The following NUDT5 variants were observed in gnomAD, a reference collection of about 807,000 sequenced individuals.
The protein encoded by NUDT5 is nudix hydrolase 5, also known as ADP-sugar pyrophosphatase.
In NUDT5, 21 loss-of-function variants were observed where a neutral mutation model predicts 34.1. The observed-to-expected ratio is 0.62, with a 90% CI of 0.44 to 0.89. The LOEUF (loss-of-function observed/expected upper bound fraction) is 0.89, where lower values mean the gene tolerates loss of function less well. Among genes scored for constraint, NUDT5 ranks in the 40% least tolerant of loss-of-function variants. The pLI is 0.00. For missense variants in NUDT5, 249 were observed against 274.8 expected (o/e 0.91, Z 0.66); for synonymous variants, 85 against 97.6 (o/e 0.87, Z 0.76).
chr10:12,167,143 A>G lies in NUDT5; in HGVS notation c.*559T>C, dbSNP rs78323220. ...TTAAAAGCTGGTTCAGCCTCAGTAA[A>G]TAGATGAACTGAAAACTAGTAGAGG... On this transcript the variant is annotated 3_prime_UTR_variant, in exon 10 of 10. Coordinates refer to ENST00000491614, the MANE Select transcript of NUDT5 (RefSeq NM_014142.4). The G allele has an allele frequency of 6.7e-4, 107 of 159,114 alleles. No individual in the cohort carries two copies. Among genetic ancestry groups the G allele is most frequent in the Admixed American group, 2.0e-3 (34 of 16,664 alleles). The allele number at this position is 159,114 out of a possible 1,614,324, so 9.9% of individuals were successfully genotyped here. A position where few individuals can be genotyped will look rare whatever the true frequency, so the allele number is the denominator to read the frequency against.
intron 2 of NUDT5, 35 bp downstream of exon 2, chr10:12,186,194 G>C (rs372904871): frequency 1.1e-5 from 16 of 1,444,262 alleles, no homozygotes; most frequent in Middle Eastern, 1.7e-4. Context: ...AGATTTATGT[G>C]GGGGAGGGAA....
At chr10:12,193,807 G>A (rs1835278462) in intron 1 of NUDT5, among the ~76,000 whole-genome samples, 1 of 151,372 alleles carries the variant, frequency 6.6e-6, no homozygotes, top group South Asian at 2.1e-4. Context: ...AAACTTAGCT[G>A]CTTTTCTACA....
Position 12,184,870 on chromosome 10 carries a change from A to C in NUDT5, c.131+19T>G. 1 of 1,440,562 alleles carries C rather than the reference A, an allele frequency of 6.9e-7. No individual in the cohort carries two copies. The highest frequency in any genetic ancestry group is 2.3e-5 in the East Asian group (1 of 44,006). 89.2% of individuals were successfully genotyped at this position (1,440,562 alleles called of 1,614,324 possible). A position where few individuals can be genotyped will look rare whatever the true frequency, so the allele number is the denominator to read the frequency against. On this transcript the variant is annotated intron_variant, in intron 3 of 9. Transcript: ENST00000491614. ...GAACCCAAATAACGAACATTTTGTA[A>C]GAAAAAAAAAAAGTTTACCTAGTTT... is the stretch of plus-strand genomic sequence containing the variant.
Position 12,173,688 on chromosome 10 carries a change from T to A in NUDT5, c.385+30A>T. On this transcript the variant is annotated intron_variant, in intron 6 of 9. Coordinates refer to ENST00000491614, the MANE Select transcript of NUDT5 (RefSeq NM_014142.4). This position sits in a 1 kb window ranked among gnomAD's most constrained non-coding sequence, Gnocchi z 4.7. The stretch of plus-strand genomic sequence containing the variant: ...ATCCCTTCCCAGACGGAGGAATCCA[T>A]CACTTGGTGAATTTTCAAGCAATAC... 1 of 1,481,462 alleles carries A rather than the reference T, an allele frequency of 6.8e-7. No individual in the cohort carries two copies. The highest frequency in any genetic ancestry group is 9.4e-7 in the Non-Finnish European group (1 of 1,059,364). The allele number at this position is 1,481,462 out of a possible 1,614,324, so 91.8% of individuals were successfully genotyped here.
rs1029985882 is a variant in NUDT5 at position 12,175,654 on chromosome 10, C to A, written c.290-1841G>T. 6.6e-6 allele frequency among the ~76,000 whole-genome samples: 1 copy of A among 150,532 alleles called. No homozygotes were observed. The highest frequency in any genetic ancestry group is 1.5e-5 in the Non-Finnish European group (1 of 67,504). Reference sequence around the variant, plus strand: ...TAGACATAGTCTCAAAAAAAGAGCCCGGGCATGGCGGCTCACACCTGTAAT... The same window carrying A: ...TAGACATAGTCTCAAAAAAAGAGCCAGGGCATGGCGGCTCACACCTGTAAT... On this transcript the variant is annotated intron_variant, in intron 5 of 9. Coordinates refer to ENST00000491614, the MANE Select transcript of NUDT5 (RefSeq NM_014142.4). The surrounding 1 kb of genome is among the most constrained non-coding windows in gnomAD (Gnocchi z 4.8).
At position 12,173,772 on chromosome 10, in the gene NUDT5, G is replaced by C; in HGVS notation, c.331C>G (p.Arg111Gly). The C allele has an allele frequency of 6.2e-7, 1 of 1,613,968 alleles. No individual in the cohort carries two copies. The highest frequency in any genetic ancestry group is 1.1e-5 in the South Asian group (1 of 91,086). The change falls in exon 6 of 10, where the codon CGG becomes GGG. Residue 111 changes from arginine (R) to glycine (G), a missense_variant. Coordinates refer to ENST00000491614, the MANE Select transcript of NUDT5 (RefSeq NM_014142.4). This position sits in a 1 kb window ranked among gnomAD's most constrained non-coding sequence, Gnocchi z 4.7. ...DGETPEAAAL[R>G]ELEEETGYKG... ...TAGCCAGTTTCTTCTTCAAGCTCCC[G>C]GAGAGCAGCTGCTTCTGGGGTTTCA...
chr10:12,177,831 C>T lies in NUDT5; in HGVS notation c.251G>A (p.Arg84Gln), dbSNP rs143315138. 2 of 1,614,080 alleles carry T rather than the reference C, an allele frequency of 1.2e-6. No homozygotes were observed. The highest frequency in any genetic ancestry group is 8.5e-7 in the Non-Finnish European group (1 of 1,179,992). The stretch of plus-strand genomic sequence containing the variant: ...TATGCAGTAGCCCCCCATTGGTGGT[C>T]GGAACTGTTTCACCAGAACGATACA... ...YECIVLVKQFRPPMGGYCIEF... is the reference protein window; with the variant it reads ...YECIVLVKQFQPPMGGYCIEF... The change falls in exon 5 of 10, where the codon CGA becomes CAA. Residue 84 changes from arginine to glutamine, a missense_variant. Coordinates refer to ENST00000491614, the MANE Select transcript of NUDT5 (RefSeq NM_014142.4).
chr10:12,188,847 T>C (rs1835173325), intron 1 of NUDT5, among the ~76,000 whole-genome samples: 1 of 151,830 alleles, frequency 6.6e-6, no homozygotes, highest in Admixed American at 6.6e-5. Flanking sequence ...AAAATTTATG[T>C]CAAGTGACTC....
At chr10:12,179,594 C>T (rs1189042184) in intron 3 of NUDT5, among the ~76,000 whole-genome samples, 3 of 152,180 alleles carry the variant, frequency 2.0e-5, no homozygotes, top group Non-Finnish European at 4.4e-5. Flanking sequence ...AATATGTGAC[C>T]TAAAACACAC....
At chr10:12,192,780 G>A (rs535479726) in intron 1 of NUDT5, among the ~76,000 whole-genome samples, 7 of 152,118 alleles carry the variant, frequency 4.6e-5, no homozygotes, top group Non-Finnish European at 1.0e-4. Context: ...GAACCTAGGA[G>A]GCAGCAGTTG....
chr10:12,192,366 G>GT (rs1295138519), intron 1 of NUDT5, among the ~76,000 whole-genome samples: 2 of 151,582 alleles, frequency 1.3e-5, no homozygotes, highest in Admixed American at 1.3e-4. Flanking sequence ...TTTTTTTGCA[G>GT]TAATAACTTA....
Position 12,165,980 on chromosome 10 carries a change from C to G in NUDT5, c.*1722G>C, listed in dbSNP as rs554383042. On this transcript the variant is annotated 3_prime_UTR_variant, in exon 10 of 10. Transcript: ENST00000491614. ...ATAGGAAACCTTCAGTTTTTAAATG[C>G]AGGGCAAATAAACATTTTTAAACAG... 2.0e-5 allele frequency: 3 copies of G among 152,248 alleles called. No homozygotes were observed. In the East Asian group the frequency reaches 5.8e-4, roughly 29 times the overall value. 9.4% of individuals were successfully genotyped at this position (152,248 alleles called of 1,614,324 possible).
In NUDT5 at chr10:12,170,113, A is replaced by T; in HGVS notation, c.550+604T>A. On this transcript the variant is annotated intron_variant, in intron 9 of 9. Transcript: ENST00000491614. The surrounding 1 kb of genome is among the most constrained non-coding windows in gnomAD (Gnocchi z 4.9). ...ATACAGTATCTCCTCTCGTGGTTTT[A>T]TCAAAGGACTTTTCTCCCCATAAGC... The T allele has an allele frequency of 6.2e-7, 1 of 1,612,348 alleles. No individual in the cohort carries two copies. Among genetic ancestry groups the T allele is most frequent in the Non-Finnish European group, 8.5e-7 (1 of 1,179,472 alleles).
chr10:12,173,965 T>A lies in NUDT5; in HGVS notation c.290-152A>T. On this transcript the variant is annotated intron_variant, in intron 5 of 9. Transcript: ENST00000491614. The surrounding 1 kb of genome is among the most constrained non-coding windows in gnomAD (Gnocchi z 4.7). Reference sequence around the variant, plus strand: ...CACTGCAACCTCCGCCCGTCCAGGTTTAAGCAATTCTCTGCTTCAGCCTCC... The same window carrying A: ...CACTGCAACCTCCGCCCGTCCAGGTATAAGCAATTCTCTGCTTCAGCCTCC... The A allele has an allele frequency of 1.6e-6, 1 of 625,092 alleles. No individual in the cohort carries two copies. The highest frequency in any genetic ancestry group is 1.8e-5 in the South Asian group (1 of 56,804). The allele number at this position is 625,092 out of a possible 1,614,324, so 38.7% of individuals were successfully genotyped here. A position where few individuals can be genotyped will look rare whatever the true frequency, so the allele number is the denominator to read the frequency against.
chr10:12,170,983 G>A lies in NUDT5; in HGVS notation c.488-75C>T, dbSNP rs1834841589. The A allele has an allele frequency of 1.9e-5, 28 of 1,503,976 alleles. No individual in the cohort carries two copies. Among genetic ancestry groups the A allele is most frequent in the Admixed American group, 5.8e-5 (3 of 51,862 alleles). 93.2% of individuals were successfully genotyped at this position (1,503,976 alleles called of 1,614,324 possible). On this transcript the variant is annotated intron_variant, in intron 7 of 9. Coordinates refer to ENST00000491614, the MANE Select transcript of NUDT5 (RefSeq NM_014142.4). This position sits in a 1 kb window ranked among gnomAD's most constrained non-coding sequence, Gnocchi z 4.9. ...ATCGGAAGACTTTTATACAAGAGGC[G>A]TCAAAAAGGCTTTGAGAATTTCACA...
At position 12,167,450 on chromosome 10, in the gene NUDT5, G is replaced by C; in HGVS notation, c.*252C>G. 2.6e-6 allele frequency: 1 copy of C among 388,592 alleles called. No homozygotes were observed. The allele number at this position is 388,592 out of a possible 1,614,324, so 24.1% of individuals were successfully genotyped here. ...CTGAGCTGTAGTTAACTGCTGTTGA[G>C]CTTTAAAAAAATTGGAGTAAACATA... On this transcript the variant is annotated 3_prime_UTR_variant, in exon 10 of 10. Coordinates refer to ENST00000491614, the MANE Select transcript of NUDT5 (RefSeq NM_014142.4).
intron 1 of NUDT5, among the ~76,000 whole-genome samples, chr10:12,191,539 C>G (rs1415663480): frequency 6.6e-6 from 1 of 152,168 alleles, no homozygotes; most frequent in Non-Finnish European, 1.5e-5. Flanking sequence ...TGCAGGCCAA[C>G]AAAGCACACA....
At chr10:12,195,049 A>G (rs1001811060) in intron 1 of NUDT5, among the ~76,000 whole-genome samples, 6 of 152,138 alleles carry the variant, frequency 3.9e-5, no homozygotes, top group Admixed American at 2.6e-4. Flanking sequence ...GCTCTCAGCT[A>G]CTCGAGAAGC....
Position 12,186,053 on chromosome 10 carries a change from C to A in NUDT5, c.63+176G>T, listed in dbSNP as rs532640916. 2.0e-5 allele frequency among the ~76,000 whole-genome samples: 3 copies of A among 152,288 alleles called. No homozygotes were observed. In the East Asian group the frequency reaches 5.8e-4, roughly 29 times the overall value. On this transcript the variant is annotated intron_variant, in intron 2 of 9. Transcript: ENST00000491614. ...TCAATTTCACTAATACACAGAGAGA[C>A]ACACTACTCCTCCCACACAAGAGCA...
Sources: allele counts gnomAD v4.1 joint callset (sites outside exome capture counted in the v4.1 genomes callset), GRCh38; gene constraint gnomAD v4.1.1; non-coding constraint Gnocchi (gnomAD v3.1); transcripts MANE v1.5; gene names NCBI Gene and HGNC (gene_info 2026-07-23, HGNC 2026-07-21).